The following SGPP1 variants were observed in gnomAD, a reference collection of about 807,000 sequenced individuals.
SGPP1 encodes sphingosine-1-phosphate phosphatase 1, also known as hSPP1.
In SGPP1, 21 loss-of-function variants were observed where a neutral mutation model predicts 33.0. The observed-to-expected ratio is 0.64, with a 90% confidence interval of 0.45 to 0.92. SGPP1 has a LOEUF of 0.92. Ranked by LOEUF, SGPP1 falls within the 40% of genes least tolerant of loss-of-function variation. The probability of loss-of-function intolerance (pLI) is 0.00; values close to 1 mark genes in which losing one functional copy is unlikely to be tolerated. For missense variants in SGPP1, 543 were observed against 589.4 expected (o/e 0.92, Z 0.81); for synonymous variants, 239 against 241.2 (o/e 0.99, Z 0.08).
chr14:63,687,799 G>GGAC (rs1885010375), intron 2 of SGPP1, among the ~76,000 whole-genome samples: 1 of 152,142 alleles, frequency 6.6e-6, no homozygotes, highest in African/African-American at 2.4e-5. Context: ...ACCAGGCTGG[G>GGAC]CAACACAGGG....
At chr14:63,704,592 GT>G (rs1167202702) in intron 1 of SGPP1, among the ~76,000 whole-genome samples, 2 of 152,174 alleles carry the variant, frequency 1.3e-5, no homozygotes, top group Non-Finnish European at 2.9e-5. Flanking sequence ...ACTCACACCT[GT>G]AATTCTAGCA....
rs1885235307 is a variant in SGPP1, at chr14:63,698,594, A to C, written c.749T>G (p.Ile250Ser). The C allele has an allele frequency of 6.3e-7, 1 of 1,599,012 alleles. No individual in the cohort carries two copies. The highest frequency in any genetic ancestry group is 8.6e-7 in the Non-Finnish European group (1 of 1,169,264). ...CAGAATAGAGTGCATTCCCATGTAA[A>C]TTCTACTTAGGCAAACTAGAGAACA... is the stretch of plus-strand genomic sequence containing the variant. Reference protein sequence around the residue: ...CWCSLVCLSRIYMGMHSILDI... With the variant: ...CWCSLVCLSRSYMGMHSILDI... The change falls in exon 2 of 3, where the codon ATT becomes AGT. Residue 250 changes from isoleucine (I) to serine (S), a missense_variant. Transcript: ENST00000247225.
intron 1 of SGPP1, among the ~76,000 whole-genome samples, chr14:63,712,380 C>T (rs1431443599): frequency 6.6e-6 from 1 of 152,112 alleles, no homozygotes; most frequent in African/African-American, 2.4e-5. Context: ...CTTCTGAAAA[C>T]TTCCCCCACT....
chr14:63,714,361 AC>A (rs1351867792), intron 1 of SGPP1, among the ~76,000 whole-genome samples: 2 of 152,180 alleles, frequency 1.3e-5, no homozygotes, highest in African/African-American at 4.8e-5. Context: ...AGTGGAGTGC[AC>A]ACAATTACCA....
chr14:63,727,165 G>A (rs1022795297), intron 1 of SGPP1, 96 bp downstream of exon 1: 27 of 1,462,860 alleles, frequency 1.8e-5, no homozygotes, highest in Non-Finnish European at 1.9e-5. Flanking sequence ...AGAGGCTTTG[G>A]AGGGGAACGG....
intron 1 of SGPP1, among the ~76,000 whole-genome samples, chr14:63,718,995 T>C (rs1243014581): frequency 9.4e-5 from 2 of 21,202 alleles, no homozygotes; most frequent in African/African-American, 4.4e-4. Context: ...TATATATATA[T>C]ATATATATAT....
At chr14:63,725,451 C>G (rs186725692) in intron 1 of SGPP1, among the ~76,000 whole-genome samples, 1 of 152,278 alleles carries the variant, frequency 6.6e-6, no homozygotes, top group Non-Finnish European at 1.5e-5. Context: ...AAATTTAAAG[C>G]ATTACAAGAT....
In SGPP1 at chr14:63,694,078, G is replaced by A. The variant is rs529256134; in HGVS notation, c.774+4491C>T. 8.5e-5 allele frequency among the ~76,000 whole-genome samples: 13 copies of A among 152,164 alleles called. No homozygotes were observed. In the South Asian group the frequency reaches 1.0e-3, roughly 12 times the overall value. On this transcript the variant is annotated intron_variant, in intron 2 of 2. Transcript: ENST00000247225. Reference sequence around the variant, plus strand: ...GTGGATCGCTTGAGCTCAGGAGTTCGAAAGCAGCCTGGGCAACATGGCCAA... The same window carrying A: ...GTGGATCGCTTGAGCTCAGGAGTTCAAAAGCAGCCTGGGCAACATGGCCAA...
At chr14:63,718,991 TA>T (rs1566536559) in intron 1 of SGPP1, among the ~76,000 whole-genome samples, 5 of 18,550 alleles carry the variant, frequency 2.7e-4, no homozygotes, top group African/African-American at 8.0e-4. Flanking sequence ...TATATATATA[TA>T]TATATATATA....
chr14:63,688,957 G>A (rs1217610498), intron 2 of SGPP1, among the ~76,000 whole-genome samples: 1 of 151,962 alleles, frequency 6.6e-6, no homozygotes, highest in Non-Finnish European at 1.5e-5. Context: ...TCCTGACCTC[G>A]TGATCCTCCC....
At position 63,707,040 on chromosome 14, in the gene SGPP1, C is replaced by CAAA. The variant is rs747329924; in HGVS notation, c.685-8385_685-8383dup. On this transcript the variant is annotated intron_variant, in intron 1 of 2. Transcript: ENST00000247225. ...TGGGAGACAGAGTGAGACTCTGTCC[C>CAAA]AAAAAAAAAAAAAAAAAAAAACTGA... is the stretch of plus-strand genomic sequence containing the variant. 1.2e-4 allele frequency among the ~76,000 whole-genome samples: 8 copies of CAAA among 66,330 alleles called. 1 individual carries two copies. Among genetic ancestry groups the CAAA allele is most frequent in the African/African-American group, 1.9e-4 (4 of 21,336 alleles). 43.5% of individuals were successfully genotyped at this position (66,330 alleles called of 152,430 possible).
chr14:63,703,025 G>A (rs115053487), intron 1 of SGPP1, among the ~76,000 whole-genome samples: 1,691 of 152,086 alleles, frequency 0.011, 33 homozygotes, highest in African/African-American at 0.038. Context: ...TGGGGGTCGT[G>A]GAACATATCC....
intron 1 of SGPP1, among the ~76,000 whole-genome samples, chr14:63,716,871 T>G (rs1180807213): frequency 6.6e-6 from 1 of 152,024 alleles, no homozygotes; most frequent in African/African-American, 2.4e-5. Context: ...TTTTGTATTT[T>G]TAGTAGAGAG....
chr14:63,711,890 C>T (rs1281637135), intron 1 of SGPP1, among the ~76,000 whole-genome samples: 3 of 151,854 alleles, frequency 2.0e-5, no homozygotes, highest in African/African-American at 2.4e-5. Context: ...CTTAGCTAGG[C>T]GTGGTGGTAG....
chr14:63,723,517 G>C (rs1252824470), intron 1 of SGPP1, among the ~76,000 whole-genome samples: 5 of 151,986 alleles, frequency 3.3e-5, no homozygotes, highest in Admixed American at 6.6e-5. Context: ...TCAAGAGATC[G>C]AGACCATCCT....
chr14:63,692,741 C>T (rs1885112956), intron 2 of SGPP1, among the ~76,000 whole-genome samples: 1 of 152,080 alleles, frequency 6.6e-6, no homozygotes, highest in Admixed American at 6.5e-5. Flanking sequence ...CATTATCCAC[C>T]ACATCCAGCC....
At chr14:63,693,768 C>G (rs1885133065) in intron 2 of SGPP1, among the ~76,000 whole-genome samples, 1 of 152,096 alleles carries the variant, frequency 6.6e-6, no homozygotes, top group Non-Finnish European at 1.5e-5. Context: ...TACAAGCCAC[C>G]ATGACCAACT....
intron 1 of SGPP1, among the ~76,000 whole-genome samples, chr14:63,724,485 C>A (rs1277401497): frequency 6.6e-6 from 1 of 151,934 alleles, no homozygotes; most frequent in Admixed American, 6.6e-5. Flanking sequence ...TTTAATTCTT[C>A]CCCCAGTTTC....
At chr14:63,699,566 T>A (rs1215804070) in intron 1 of SGPP1, among the ~76,000 whole-genome samples, 1 of 152,016 alleles carries the variant, frequency 6.6e-6, no homozygotes, top group Non-Finnish European at 1.5e-5. Context: ...GTGGTTTGTT[T>A]TGTTCTGTTT....
Sources: allele counts gnomAD v4.1 joint callset (sites outside exome capture counted in the v4.1 genomes callset), GRCh38; gene constraint gnomAD v4.1.1; transcripts MANE v1.5; gene names NCBI Gene and HGNC (gene_info 2026-07-23, HGNC 2026-07-21).